LRRC8A: variants seen among roughly 807,000 people sequenced by gnomAD.
The protein encoded by LRRC8A is leucine rich repeat containing 8 VRAC subunit A.
Under a neutral mutation model 52.5 loss-of-function variants are expected in LRRC8A, and 24 were observed. The observed-to-expected ratio is 0.46, with a 90% CI of 0.33 to 0.64. The LOEUF (loss-of-function observed/expected upper bound fraction) is 0.64, where lower values mean the gene tolerates loss of function less well. LRRC8A is among the 30% of genes least tolerant of loss of function. LRRC8A has a pLI of 0.02. For synonymous variants in LRRC8A, 492 were observed against 494.2 expected (o/e 1.00, Z 0.06); for missense variants, 677 against 1,094.7 (o/e 0.62, Z 5.38).
chr9:128,882,540 A>G, intron 1 of LRRC8A: 2 of 391,480 alleles, frequency 5.1e-6, no homozygotes, highest in African/African-American at 2.1e-5. Flanking sequence ...CGGCTCCCCC[A>G]TGTCCCCTTG....
intron 2 of LRRC8A, among the ~76,000 whole-genome samples, chr9:128,893,580 AG>A (rs1003022655): frequency 1.8e-4 from 28 of 152,234 alleles, no homozygotes; most frequent in African/African-American, 6.5e-4. Flanking sequence ...GAGGACCGCA[AG>A]CTGCTGAGCG....
chr9:128,894,327 C>CA (rs1465216989), intron 2 of LRRC8A, among the ~76,000 whole-genome samples: 5 of 151,586 alleles, frequency 3.3e-5, no homozygotes. Flanking sequence ...ACTAAAAATA[C>CA]AAAAAAATTT....
At chr9:128,897,659 C>T (rs1839869619) in intron 2 of LRRC8A, among the ~76,000 whole-genome samples, 1 of 152,044 alleles carries the variant, frequency 6.6e-6, no homozygotes, top group African/African-American at 2.4e-5. Context: ...ATTGTCCTGC[C>T]TCAGCCTTCC....
At chr9:128,913,287 G>T (rs1840642122) in intron 3 of LRRC8A, among the ~76,000 whole-genome samples, 1 of 152,200 alleles carries the variant, frequency 6.6e-6, no homozygotes, top group Non-Finnish European at 1.5e-5. Flanking sequence ...GAAGGCCAGA[G>T]AGCCAAGGAC....
At chr9:128,882,516 A>G (rs1438833486) in intron 1 of LRRC8A, 1 of 392,680 alleles carries the variant, frequency 2.5e-6, no homozygotes, top group African/African-American at 2.1e-5. Flanking sequence ...TTCAGAAACC[A>G]GGAGTTTCCG....
intron 2 of LRRC8A, among the ~76,000 whole-genome samples, chr9:128,898,484 C>T (rs562333306): frequency 7.9e-5 from 12 of 152,338 alleles, no homozygotes; most frequent in Admixed American, 6.5e-4. Context: ...ACTTAACTCT[C>T]GAATGCACTT....
At chr9:128,896,778 G>A (rs1338179523) in intron 2 of LRRC8A, among the ~76,000 whole-genome samples, 1 of 151,968 alleles carries the variant, frequency 6.6e-6, no homozygotes, top group Non-Finnish European at 1.5e-5. Context: ...CTGGAGTGCA[G>A]TGGTACGATG....
At chr9:128,912,326 C>T (rs948114938) in intron 3 of LRRC8A, among the ~76,000 whole-genome samples, 2 of 152,170 alleles carry the variant, frequency 1.3e-5, no homozygotes, top group Non-Finnish European at 2.9e-5. Context: ...TAGCACAGTG[C>T]GTAGGCGCTC....
chr9:128,909,757 C>T (rs781482691), intron 3 of LRRC8A, among the ~76,000 whole-genome samples: 2 of 152,174 alleles, frequency 1.3e-5, no homozygotes, highest in Non-Finnish European at 2.9e-5. Context: ...TGTTCCCAGT[C>T]GGACTTGGAG....
chr9:128,894,479 AT>A (rs1839747104), intron 2 of LRRC8A, among the ~76,000 whole-genome samples: 1 of 148,978 alleles, frequency 6.7e-6, no homozygotes, highest in Non-Finnish European at 1.5e-5. Context: ...GTGAGACTCC[AT>A]CTCAAAAAAA....
chr9:128,909,379 G>A, intron 3 of LRRC8A, 58 bp downstream of exon 3: 1 of 1,522,744 alleles, frequency 6.6e-7, no homozygotes, highest in Non-Finnish European at 9.0e-7. Context: ...GCCAGGGCTT[G>A]TGGTGGGGCA....
intron 3 of LRRC8A, among the ~76,000 whole-genome samples, 154 bp downstream of exon 3, chr9:128,909,475 G>GCT (rs1299749166): frequency 2.0e-5 from 3 of 152,230 alleles, no homozygotes; most frequent in Non-Finnish European, 2.9e-5. Flanking sequence ...CAGGATAGAA[G>GCT]CTCTGTTCAA....
intron 2 of LRRC8A, among the ~76,000 whole-genome samples, chr9:128,886,775 C>T (rs1042089037): frequency 2.0e-5 from 3 of 152,182 alleles, no homozygotes; most frequent in African/African-American, 4.8e-5. Flanking sequence ...AAGGTGGTCC[C>T]GAGTCATAGC....
rs373135213 is a variant in LRRC8A, at chr9:128,916,285, G to A, written c.2347G>A (p.Gly783Ser). The part of the protein sequence containing the change: ...LGECPLLKRS[G>S]LVVEEDLFNT... ...CGAGTGCCCACTGCTCAAGCGCAGCGGCTTGGTGGTGGAGGAGGACCTGTT... is the reference window on the plus strand; with the variant it reads ...CGAGTGCCCACTGCTCAAGCGCAGCAGCTTGGTGGTGGAGGAGGACCTGTT... Residue 783 changes from glycine to serine, a missense_variant, in exon 4 of 4, where the codon GGC becomes AGC. Physicochemically the swap from Gly to Ser is moderately conservative, Grantham distance 56 (BLOSUM62 0). Coordinates refer to ENST00000372600, the MANE Select transcript of LRRC8A (RefSeq NM_019594.4). This position sits in a 1 kb window ranked among gnomAD's most constrained non-coding sequence, Gnocchi z 6.1. The A allele has an allele frequency of 3.8e-5, 62 of 1,613,514 alleles. No individual in the cohort carries two copies. Among genetic ancestry groups the A allele is most frequent in the African/African-American group, 1.7e-4 (13 of 74,916 alleles).
chr9:128,910,482 CAGGAGTTCG>C, intron 3 of LRRC8A, among the ~76,000 whole-genome samples: 1 of 152,324 alleles, frequency 6.6e-6, no homozygotes, highest in African/African-American at 2.4e-5. Flanking sequence ...CACTTGAGCT[CAGGAGTTCG>C]AGACCAGCCT....
chr9:128,902,638 T>G lies in LRRC8A; in HGVS notation c.-8-4519T>G, dbSNP rs1054124248. Reference sequence around the variant, plus strand: ...ATGCACCGGGCTCCTCTCCTCCCTCTTCTGTTCCCCAGTCTTTAGGTCCTG... The same window carrying G: ...ATGCACCGGGCTCCTCTCCTCCCTCGTCTGTTCCCCAGTCTTTAGGTCCTG... On this transcript the variant is annotated intron_variant, in intron 2 of 3. Transcript: ENST00000372600. The surrounding 1 kb of genome is among the most constrained non-coding windows in gnomAD (Gnocchi z 4.1). 3.3e-5 allele frequency among the ~76,000 whole-genome samples: 5 copies of G among 152,172 alleles called. No homozygotes were observed. The highest frequency in any genetic ancestry group is 7.4e-5 in the Non-Finnish European group (5 of 68,014).
chr9:128,882,554 T>C, intron 1 of LRRC8A: 1 of 396,092 alleles, frequency 2.5e-6, no homozygotes, highest in Non-Finnish European at 4.4e-6. Flanking sequence ...CCCCTTGTCA[T>C]CCCCTGGGTC....
At position 128,907,765 on chromosome 9, in the gene LRRC8A, G is replaced by A. The variant is rs904715452; in HGVS notation, c.601G>A (p.Val201Ile). The A allele has an allele frequency of 6.2e-6, 10 of 1,613,678 alleles. No homozygotes were observed. Among genetic ancestry groups the A allele is most frequent in the African/African-American group, 2.7e-5 (2 of 74,914 alleles). ...GTCCATGGACAAAAAGTCATCGACC[G>A]TCAGTGAGGACGTGGAGGCCACCGT... is the stretch of plus-strand genomic sequence containing the variant. ...NGSMDKKSST[V>I]SEDVEATVPM... The change falls in exon 3 of 4, where the codon GTC (valine) becomes ATC (isoleucine). Residue 201 changes from valine to isoleucine, a missense_variant. This residue lies in a region of LRRC8A where 422 missense variants were observed against 741.5 expected (regional missense o/e 0.57). Coordinates refer to ENST00000372600, the MANE Select transcript of LRRC8A (RefSeq NM_019594.4). The surrounding 1 kb of genome is among the most constrained non-coding windows in gnomAD (Gnocchi z 9.3).
intron 2 of LRRC8A, among the ~76,000 whole-genome samples, chr9:128,906,768 T>C (rs1351195076): frequency 2.0e-5 from 3 of 152,218 alleles, no homozygotes; most frequent in African/African-American, 7.2e-5. Context: ...GAGTTTTAAA[T>C]GTGTCCCTCT....
Sources: gnomAD v4.1 joint callset for allele counts (sites outside exome capture counted in the v4.1 genomes callset) on GRCh38, gnomAD v4.1.1 for gene constraint, gnomAD v4.1.1 regional missense constraint, Gnocchi (gnomAD v3.1) non-coding constraint, MANE v1.5 for transcripts, NCBI Gene and HGNC (gene_info 2026-07-23, HGNC 2026-07-21) for gene names.